The following DEUP1 variants were observed in gnomAD, a reference collection of about 807,000 sequenced individuals.
DEUP1 encodes coiled-coil domain containing 67.
DEUP1 carries 82 observed loss-of-function variants against 87.4 expected under a neutral mutation model. The observed-to-expected ratio is 0.94, with a 90% CI of 0.78 to 1.13. The LOEUF is 1.13. Ranked by LOEUF, DEUP1 falls within the 50% of genes most tolerant of loss-of-function variation. DEUP1 has a pLI of 0.00. For synonymous variants in DEUP1, 214 were observed against 222.7 expected, an observed-to-expected ratio of 0.96 and a Z score of 0.35; for missense variants, 663 against 681.5, an observed-to-expected ratio of 0.97 and a Z score of 0.30.
intron 13 of DEUP1, among the ~76,000 whole-genome samples, chr11:93,434,599 C>T (rs1948187589): frequency 6.6e-6 from 1 of 152,164 alleles, no homozygotes; most frequent in African/African-American, 2.4e-5. Flanking sequence ...CCCAAAGTGA[C>T]CACATGGGAG....
rs1243023197 is a variant in DEUP1 at position 93,342,107 on chromosome 11, C to CT, written c.29+9825dup. 5.3e-5 allele frequency among the ~76,000 whole-genome samples: 8 copies of CT among 152,252 alleles called. No homozygotes were observed. In the East Asian group the frequency reaches 7.7e-4, roughly 15 times the overall value. On this transcript the variant is annotated intron_variant, in intron 2 of 13. Transcript: ENST00000298050. ...CAAGATTCTTAACTTATGTGAAGAT[C>CT]TTTTTTCCAAATTAAGTAACATTTA...
At chr11:93,353,307 G>C (rs1195228833) in intron 2 of DEUP1, among the ~76,000 whole-genome samples, 2 of 152,202 alleles carry the variant, frequency 1.3e-5, no homozygotes. Context: ...TGATGCAAAA[G>C]GTGGGTTCCC....
At chr11:93,348,179 C>T (rs1054739870) in intron 2 of DEUP1, among the ~76,000 whole-genome samples, 1 of 152,150 alleles carries the variant, frequency 6.6e-6, no homozygotes, top group Non-Finnish European at 1.5e-5. Flanking sequence ...TCTGTGGAGT[C>T]AGTGGTAATT....
intron 13 of DEUP1, among the ~76,000 whole-genome samples, chr11:93,433,469 G>A (rs919003684): frequency 1.3e-5 from 2 of 152,350 alleles, no homozygotes; most frequent in African/African-American, 2.4e-5. Flanking sequence ...AGAGTTAGCT[G>A]TGGTTGCACC....
intron 7 of DEUP1, among the ~76,000 whole-genome samples, chr11:93,381,327 G>T (rs1946294160): frequency 6.6e-6 from 1 of 152,136 alleles, no homozygotes; most frequent in Non-Finnish European, 1.5e-5. Flanking sequence ...TTGGAAAGAA[G>T]TTTCTCTTCC....
At chr11:93,434,862 T>A (rs1380642172) in intron 13 of DEUP1, among the ~76,000 whole-genome samples, 1 of 152,138 alleles carries the variant, frequency 6.6e-6, no homozygotes, top group East Asian at 1.9e-4. Flanking sequence ...CTATACCACA[T>A]CCTGAAGAAT....
At chr11:93,350,182 A>G (rs1038076163) in intron 2 of DEUP1, among the ~76,000 whole-genome samples, 3 of 152,204 alleles carry the variant, frequency 2.0e-5, no homozygotes, top group Admixed American at 2.0e-4. Context: ...TGCAGAAATT[A>G]TGGGTCAGAG....
At chr11:93,389,176 A>G in intron 9 of DEUP1, 51 bp downstream of exon 9, 1 of 988,598 alleles carries the variant, frequency 1.0e-6, no homozygotes, top group Non-Finnish European at 1.5e-6. Flanking sequence ...AACTCTTTAC[A>G]TACAAAGGGA....
chr11:93,340,910 C>A (rs76421459), intron 2 of DEUP1, among the ~76,000 whole-genome samples: 1,650 of 152,272 alleles, frequency 0.011, 33 homozygotes, highest in African/African-American at 0.038. Context: ...AGTGAAGCTG[C>A]CTGTATGTAC....
intron 8 of DEUP1, among the ~76,000 whole-genome samples, chr11:93,388,532 A>C (rs1304973565): frequency 1.3e-5 from 2 of 152,208 alleles, no homozygotes; most frequent in Non-Finnish European, 2.9e-5. Flanking sequence ...TTAAGCAGCC[A>C]AAGAATAGAT....
At chr11:93,389,290 A>T (rs1486892108) in intron 9 of DEUP1, among the ~76,000 whole-genome samples, 165 bp downstream of exon 9, 1 of 152,162 alleles carries the variant, frequency 6.6e-6, no homozygotes, top group Non-Finnish European at 1.5e-5. Context: ...TCTGTGTGAG[A>T]CTACAAAAAA....
chr11:93,341,366 C>T (rs954017718), intron 2 of DEUP1, among the ~76,000 whole-genome samples: 4 of 152,142 alleles, frequency 2.6e-5, no homozygotes, highest in African/African-American at 4.8e-5. Flanking sequence ...CTCTCGCCTC[C>T]GTCATGTAAG....
At chr11:93,406,459 A>G (rs1947280088) in intron 11 of DEUP1, among the ~76,000 whole-genome samples, 1 of 148,780 alleles carries the variant, frequency 6.7e-6, no homozygotes, top group Non-Finnish European at 1.5e-5. Context: ...CTCATTTTGT[A>G]CAAAATTAAT....
intron 2 of DEUP1, among the ~76,000 whole-genome samples, chr11:93,349,011 C>A (rs939917529): frequency 6.6e-6 from 1 of 152,124 alleles, no homozygotes; most frequent in Non-Finnish European, 1.5e-5. Flanking sequence ...TCAGATGTTA[C>A]CTCATTTAGG....
At chr11:93,436,918 A>G (rs1948263691) in intron 13 of DEUP1, among the ~76,000 whole-genome samples, 1 of 152,180 alleles carries the variant, frequency 6.6e-6, no homozygotes, top group African/African-American at 2.4e-5. Context: ...AGCACTAAAC[A>G]GGTCACAAAC....
intron 5 of DEUP1, among the ~76,000 whole-genome samples, chr11:93,366,674 T>C (rs1945433921): frequency 1.3e-5 from 2 of 152,230 alleles, no homozygotes; most frequent in African/African-American, 4.8e-5. Flanking sequence ...CTGATATGTT[T>C]GTGACACACA....
intron 7 of DEUP1, among the ~76,000 whole-genome samples, chr11:93,381,973 AT>A (rs1352617320): frequency 6.6e-6 from 1 of 152,152 alleles, no homozygotes; most frequent in African/African-American, 2.4e-5. Context: ...CATATCTCAT[AT>A]TACATGCTAA....
chr11:93,370,302 A>G lies in DEUP1; in HGVS notation c.546+116A>G. On this transcript the variant is annotated intron_variant, in intron 6 of 13. Coordinates refer to ENST00000298050, the MANE Select transcript of DEUP1 (RefSeq NM_181645.4). ...ATGCCAACTAAGAAAAAACGAGAGT[A>G]GGTCCAAAGGTGGGTACAGTCACAA... is the stretch of plus-strand genomic sequence containing the variant. The G allele has an allele frequency of 3.3e-6, 2 of 607,054 alleles. 1 individual carries two copies. Among genetic ancestry groups the G allele is most frequent in the South Asian group, 4.3e-5 (2 of 46,484 alleles). 37.6% of individuals were successfully genotyped at this position (607,054 alleles called of 1,614,324 possible). A position where few individuals can be genotyped will look rare whatever the true frequency, so the allele number is the denominator to read the frequency against.
chr11:93,383,999 A>G (rs1293548462), intron 7 of DEUP1, among the ~76,000 whole-genome samples: 5 of 152,184 alleles, frequency 3.3e-5, no homozygotes, highest in Non-Finnish European at 7.3e-5. Flanking sequence ...TAAGTCAGGC[A>G]TTTTTTAAAG....
Sources: allele counts gnomAD v4.1 joint callset (sites outside exome capture counted in the v4.1 genomes callset), GRCh38; gene constraint gnomAD v4.1.1; transcripts MANE v1.5; gene names NCBI Gene and HGNC (gene_info 2026-07-23, HGNC 2026-07-21).